Variants in VTI1A observed in about 807,000 individuals in gnomAD.
VTI1A encodes vesicle transport through interaction with t-SNAREs 1A, also known as vesicle transport through interaction with t-SNAREs homolog 1A.
Under a neutral mutation model 34.9 loss-of-function variants are expected in VTI1A, and 22 were observed. The ratio of observed to expected loss-of-function variants is 0.63; its 90% CI spans 0.45 to 0.90. The LOEUF is 0.90. VTI1A is among the 40% of genes least tolerant of loss of function. The pLI, the probability that VTI1A is intolerant of heterozygous loss-of-function variation, is 0.00. For missense variants in VTI1A, 268 were observed against 275.6 expected, an observed-to-expected ratio of 0.97 and a Z score of 0.20; for synonymous variants, 87 against 97.3, an observed-to-expected ratio of 0.89 and a Z score of 0.62.
At position 112,815,609 on chromosome 10, in the gene VTI1A, G is replaced by T; in HGVS notation, c.*226G>T. The stretch of plus-strand genomic sequence containing the variant: ...TGTCTTCACCCAGATTCGTTTTTTA[G>T]AGGGGAAGGTGAATGTTTATTTACC... On this transcript the variant is annotated 3_prime_UTR_variant, in exon 8 of 8. Coordinates refer to ENST00000393077, the MANE Select transcript of VTI1A (RefSeq NM_145206.4). 1.8e-6 allele frequency: 1 copy of T among 551,872 alleles called. No individual in the cohort carries two copies. The highest frequency in any genetic ancestry group is 2.1e-5 in the South Asian group (1 of 47,380). The allele number at this position is 551,872 out of a possible 1,614,324, so 34.2% of individuals were successfully genotyped here.
chr10:112,549,081 G>A (rs927665115), intron 5 of VTI1A, among the ~76,000 whole-genome samples: 5 of 152,042 alleles, frequency 3.3e-5, no homozygotes, highest in South Asian at 2.1e-4. Flanking sequence ...TACATCTGCC[G>A]CCCCCTACCA....
intron 5 of VTI1A, among the ~76,000 whole-genome samples, chr10:112,544,949 G>A (rs758160241): frequency 1.4e-4 from 21 of 152,206 alleles, no homozygotes; most frequent in Admixed American, 4.6e-4. Flanking sequence ...ATTCTGAGTA[G>A]GGTGTGACAG....
the VTI1A span, among the ~76,000 whole-genome samples, chr10:112,848,055 G>C: frequency 6.6e-6 from 1 of 152,290 alleles, no homozygotes; most frequent in South Asian, 2.1e-4. Context: ...TAAGATTTGG[G>C]GGTAGTTTTT....
chr10:112,846,925 A>T, the VTI1A span, among the ~76,000 whole-genome samples: 1 of 152,218 alleles, frequency 6.6e-6, no homozygotes, highest in African/African-American at 2.4e-5. Flanking sequence ...TGGTTCAGGA[A>T]GTCTCACCAG....
intron 5 of VTI1A, among the ~76,000 whole-genome samples, chr10:112,602,211 C>T (rs1431299755): frequency 6.6e-6 from 1 of 152,202 alleles, no homozygotes; most frequent in African/African-American, 2.4e-5. Context: ...ATAATTACAG[C>T]AGGGGCTAGA....
At chr10:112,505,799 G>T (rs1397474647) in intron 3 of VTI1A, among the ~76,000 whole-genome samples, 1 of 151,684 alleles carries the variant, frequency 6.6e-6, no homozygotes, top group Non-Finnish European at 1.5e-5. Flanking sequence ...TCTGCCTCCT[G>T]AGTAGCTGGG....
chr10:112,550,169 T>C (rs2134292954), intron 5 of VTI1A, among the ~76,000 whole-genome samples: 1 of 152,332 alleles, frequency 6.6e-6, no homozygotes, highest in South Asian at 2.1e-4. Flanking sequence ...ATTCTTACTC[T>C]CTTGCATCTC....
At chr10:112,836,805 C>T in the VTI1A span, among the ~76,000 whole-genome samples, 1 of 152,170 alleles carries the variant, frequency 6.6e-6, no homozygotes, top group African/African-American at 2.4e-5. Flanking sequence ...CTCTATGATC[C>T]TGACTTTATC....
At chr10:112,480,659 A>G (rs1342284499) in intron 3 of VTI1A, among the ~76,000 whole-genome samples, 6 of 152,176 alleles carry the variant, frequency 3.9e-5, no homozygotes, top group African/African-American at 1.4e-4. Flanking sequence ...AGCAGGGTGT[A>G]GTCAGGTTGA....
intron 5 of VTI1A, among the ~76,000 whole-genome samples, chr10:112,538,889 A>G (rs41292622): frequency 0.066 from 9,999 of 152,298 alleles, 469 homozygotes; most frequent in Non-Finnish European, 0.096. Flanking sequence ...GCTAATGTTC[A>G]TGATAATCTT....
chr10:112,727,910 G>A (rs985323699), intron 7 of VTI1A, among the ~76,000 whole-genome samples: 4 of 152,092 alleles, frequency 2.6e-5, no homozygotes, highest in African/African-American at 9.7e-5. Context: ...AACTGGGCTT[G>A]TAGAAAGTTA....
intron 4 of VTI1A, among the ~76,000 whole-genome samples, chr10:112,533,015 ATAACAT>A (rs1268577787): frequency 6.6e-6 from 1 of 152,154 alleles, no homozygotes; most frequent in Non-Finnish European, 1.5e-5. Context: ...GGGTACAAGT[ATAACAT>A]TAACTAACAT....
chr10:112,855,178 C>T, the VTI1A span, among the ~76,000 whole-genome samples: 1 of 152,156 alleles, frequency 6.6e-6, no homozygotes, highest in African/African-American at 2.4e-5. Context: ...TTGTGTTGAA[C>T]TTCCTATTTT....
chr10:112,664,950 C>A (rs1408454700), intron 5 of VTI1A, among the ~76,000 whole-genome samples: 1 of 152,098 alleles, frequency 6.6e-6, no homozygotes, highest in African/African-American at 2.4e-5. Context: ...TCAAGAAGAC[C>A]CTCGCAGTCA....
upstream of VTI1A, chr10:112,447,045 G>T (rs975000434): frequency 2.0e-5 from 6 of 297,582 alleles, no homozygotes; most frequent in East Asian, 1.9e-4. Context: ...GAACACGAAG[G>T]GGGGAAAAAA....
At chr10:112,708,617 A>G (rs1849284228) in intron 7 of VTI1A, among the ~76,000 whole-genome samples, 1 of 152,256 alleles carries the variant, frequency 6.6e-6, no homozygotes, top group Non-Finnish European at 1.5e-5. Flanking sequence ...CATACTAATT[A>G]GCATTAAGCA....
At chr10:112,647,608 A>T (rs1846848319) in intron 5 of VTI1A, among the ~76,000 whole-genome samples, 2 of 152,200 alleles carry the variant, frequency 1.3e-5, no homozygotes, top group Non-Finnish European at 2.9e-5. Flanking sequence ...TGTGGACTAT[A>T]TTGTGTTAAC....
intron 7 of VTI1A, among the ~76,000 whole-genome samples, chr10:112,747,974 G>A (rs11196088): frequency 0.037 from 5,619 of 152,180 alleles, 306 homozygotes; most frequent in East Asian, 0.27. Flanking sequence ...AGACCAAAGC[G>A]GAGAGGAAGT....
chr10:112,567,508 G>T (rs914481550), intron 5 of VTI1A, among the ~76,000 whole-genome samples: 12 of 152,032 alleles, frequency 7.9e-5, no homozygotes, highest in Admixed American at 3.9e-4. Flanking sequence ...AGAAATAATA[G>T]GTTGATTTTC....
Sources: gnomAD v4.1 joint callset for allele counts (sites outside exome capture counted in the v4.1 genomes callset) on GRCh38, gnomAD v4.1.1 for gene constraint, MANE v1.5 for transcripts, NCBI Gene and HGNC (gene_info 2026-07-23, HGNC 2026-07-21) for gene names.